MOCOS: variants seen among roughly 807,000 people sequenced by gnomAD.
MOCOS encodes the protein human molybdenum cofactor sulfurase.
Under a neutral mutation model 83.6 loss-of-function variants are expected in MOCOS, and 86 were observed. The observed-to-expected ratio is 1.03, with a 90% confidence interval of 0.86 to 1.23. MOCOS has a LOEUF of 1.23. MOCOS is among the 50% of genes most tolerant of loss of function. The pLI, the probability that MOCOS is intolerant of heterozygous loss-of-function variation, is 0.00. For synonymous variants in MOCOS, 445 were observed against 434.7 expected, an observed-to-expected ratio of 1.02 and a Z score of -0.29; for missense variants, 1,120 against 1,126.9, an observed-to-expected ratio of 0.99 and a Z score of 0.09.
intron 6 of MOCOS, among the ~76,000 whole-genome samples, chr18:36,212,726 A>G (rs1013455223): frequency 1.3e-5 from 2 of 152,206 alleles, no homozygotes; most frequent in Non-Finnish European, 2.9e-5. Context: ...TGGCCACCCC[A>G]CATGTGACTT....
At chr18:36,198,791 C>A (rs760090764) in intron 3 of MOCOS, 35 bp downstream of exon 3, 1 of 1,604,774 alleles carries the variant, frequency 6.2e-7, no homozygotes, top group Non-Finnish European at 8.5e-7. Context: ...ACTGGGCATA[C>A]CTAGGCAGAC....
intron 1 of MOCOS, 104 bp downstream of exon 1, chr18:36,187,785 TG>T (rs2091347464): frequency 2.5e-6 from 3 of 1,202,518 alleles, no homozygotes; most frequent in Non-Finnish European, 3.1e-6. Flanking sequence ...GGGCGCATTT[TG>T]AATCGAAACT....
chr18:36,252,098 A>T (rs148712891), intron 11 of MOCOS, among the ~76,000 whole-genome samples: 2 of 152,292 alleles, frequency 1.3e-5, no homozygotes, highest in East Asian at 3.9e-4. Context: ...CTGTCTCCCC[A>T]TGCTTAAAAT....
intron 12 of MOCOS, among the ~76,000 whole-genome samples, chr18:36,259,792 C>A (rs2144151387): frequency 6.6e-6 from 1 of 152,322 alleles, no homozygotes; most frequent in East Asian, 1.9e-4. Context: ...TCGCCCTTTG[C>A]CTGGCTCTTG....
intron 4 of MOCOS, among the ~76,000 whole-genome samples, chr18:36,201,195 C>T (rs1041110840): frequency 6.6e-6 from 1 of 152,186 alleles, no homozygotes; most frequent in Non-Finnish European, 1.5e-5. Context: ...CCCCAACAGA[C>T]CCCACACAGA....
chr18:36,199,887 A>G lies in MOCOS; in HGVS notation c.504A>G (p.Ile168Met). Residue 168 changes from isoleucine to methionine, a missense_variant, in exon 4 of 15, where the codon ATA (isoleucine) becomes ATG (methionine). By Grantham distance (10) the Ile-to-Met change is conservative. Transcript: ENST00000261326. ...ACGTGACCATGGCTATAAATGTCAT[A>G]TCCACCCCGGTCAGGCCAGAGGACC... ...MRNVTMAINV[I>M]STPVRPEDLW... 6.2e-7 allele frequency: 1 copy of G among 1,614,012 alleles called. No individual in the cohort carries two copies. The highest frequency in any genetic ancestry group is 8.5e-7 in the Non-Finnish European group (1 of 1,179,924).
rs374506234 is a variant in MOCOS at position 36,261,301 on chromosome 18, G to A, written c.2409+1126G>A. Among the ~76,000 whole-genome samples, 49 of 152,050 alleles carry A rather than the reference G, an allele frequency of 3.2e-4. 1 individual carries two copies. The highest frequency in any genetic ancestry group is 1.2e-3 in the African/African-American group (48 of 41,476). ...AAGAATATGACCACTGGAGCATTTTGGATTTCAGATTTTCAAATTAGGAAT... is the reference window on the plus strand; with the variant it reads ...AAGAATATGACCACTGGAGCATTTTAGATTTCAGATTTTCAAATTAGGAAT... On this transcript the variant is annotated intron_variant, in intron 13 of 14. Coordinates refer to ENST00000261326, the MANE Select transcript of MOCOS (RefSeq NM_017947.4).
chr18:36,257,379 C>T (rs1395414206), intron 12 of MOCOS, among the ~76,000 whole-genome samples: 1 of 152,164 alleles, frequency 6.6e-6, no homozygotes, highest in South Asian at 2.1e-4. Flanking sequence ...AATTGAATTG[C>T]CACCAACTTG....
chr18:36,245,710 CAAAT>C (rs947520121), intron 9 of MOCOS, among the ~76,000 whole-genome samples: 5 of 152,298 alleles, frequency 3.3e-5, no homozygotes, highest in Non-Finnish European at 5.9e-5. Flanking sequence ...ATTATTCCCT[CAAAT>C]AAGTTTTCCA....
At chr18:36,232,176 T>C (rs2091540266) in intron 9 of MOCOS, among the ~76,000 whole-genome samples, 1 of 152,144 alleles carries the variant, frequency 6.6e-6, no homozygotes, top group Non-Finnish European at 1.5e-5. Context: ...GGTTTTGCCA[T>C]GTTGCCCAGG....
chr18:36,264,789 A>G (rs1341468082), intron 13 of MOCOS, among the ~76,000 whole-genome samples: 1 of 152,048 alleles, frequency 6.6e-6, no homozygotes, highest in African/African-American at 2.4e-5. Flanking sequence ...AAAAAATTAG[A>G]GCTTTGTACA....
chr18:36,261,627 G>T (rs1347543283), intron 13 of MOCOS, among the ~76,000 whole-genome samples: 1 of 152,146 alleles, frequency 6.6e-6, no homozygotes, highest in African/African-American at 2.4e-5. Context: ...ATGTTCCAAT[G>T]ATGTTTTTGA....
rs180959633 is a variant in MOCOS, at chr18:36,249,645, G to C, written c.2039+645G>C. 1.6e-3 allele frequency among the ~76,000 whole-genome samples: 250 copies of C among 152,142 alleles called. 2 individuals are homozygous for C. The highest frequency in any genetic ancestry group is 5.6e-3 in the African/African-American group (234 of 41,504). ...TGTGGAGCAGTTGGAAGGGGGAAGG[G>C]GTGCAAGCAGGAAGGCCACATAAGC... On this transcript the variant is annotated intron_variant, in intron 10 of 14. Coordinates refer to ENST00000261326, the MANE Select transcript of MOCOS (RefSeq NM_017947.4).
intron 7 of MOCOS, among the ~76,000 whole-genome samples, 185 bp downstream of exon 7, chr18:36,213,667 G>T (rs1001713315): frequency 6.6e-6 from 1 of 152,218 alleles, no homozygotes; most frequent in East Asian, 1.9e-4. Context: ...GGTGGCTCAC[G>T]CCTGTAATCC....
chr18:36,244,578 T>C (rs2091596082), intron 9 of MOCOS, among the ~76,000 whole-genome samples: 1 of 152,150 alleles, frequency 6.6e-6, no homozygotes, highest in Non-Finnish European at 1.5e-5. Flanking sequence ...ATGTGCCAGT[T>C]AAAAGAATGT....
chr18:36,239,607 T>C (rs1180978116), intron 9 of MOCOS, among the ~76,000 whole-genome samples: 1 of 146,296 alleles, frequency 6.8e-6, no homozygotes, highest in Non-Finnish European at 1.5e-5. Flanking sequence ...CTGACAATTA[T>C]GTGTCTTGGA....
chr18:36,213,115 T>C (rs1297077910), intron 6 of MOCOS, among the ~76,000 whole-genome samples: 3 of 152,146 alleles, frequency 2.0e-5, no homozygotes, highest in Non-Finnish European at 4.4e-5. Flanking sequence ...GCGGGGCTGC[T>C]CGGAATAACA....
In MOCOS at chr18:36,251,147, C is replaced by T. The variant is rs752596805; in HGVS notation, c.2040-12C>T. 6.8e-6 allele frequency: 11 copies of T among 1,610,808 alleles called. No individual in the cohort carries two copies. The African/African-American group carries it at 1.2e-4, about 18-fold the overall frequency. ...ATGTAACAGTTCACTCTTTCTCTCT[C>T]TCTTTTGCCAGAGTAAGTACTTATG... On this transcript the variant is annotated splice_polypyrimidine_tract_variant and intron_variant, in intron 10 of 14. Coordinates refer to ENST00000261326, the MANE Select transcript of MOCOS (RefSeq NM_017947.4).
At position 36,252,638 on chromosome 18, in the gene MOCOS, C is replaced by G. The variant is rs371972479; in HGVS notation, c.2164+1355C>G. Among the ~76,000 whole-genome samples, 7 of 152,118 alleles carry G rather than the reference C, an allele frequency of 4.6e-5. No individual in the cohort carries two copies. In the East Asian group the frequency reaches 5.8e-4, roughly 13 times the overall value. On this transcript the variant is annotated intron_variant, in intron 11 of 14. Transcript: ENST00000261326. ...GCTTGGGAGACTGAGATGGGAGGATCTTTTGAACCCAGGAGTTCGAGGCTG... is the reference window on the plus strand; with the variant it reads ...GCTTGGGAGACTGAGATGGGAGGATGTTTTGAACCCAGGAGTTCGAGGCTG...
Sources: allele counts gnomAD v4.1 joint callset (sites outside exome capture counted in the v4.1 genomes callset), GRCh38; gene constraint gnomAD v4.1.1; transcripts MANE v1.5; gene names NCBI Gene and HGNC (gene_info 2026-07-23, HGNC 2026-07-21).